ARID1B: variants seen among roughly 807,000 people sequenced by gnomAD.
ARID1B encodes the protein AT-rich interactive domain-containing protein 1B.
A neutral mutation model predicts 212.3 loss-of-function variants in ARID1B; 30 were observed. The ratio of observed to expected loss-of-function variants is 0.14; its 90% CI spans 0.11 to 0.19. ARID1B has a LOEUF of 0.19. Among genes scored for constraint, ARID1B ranks in the 10% least tolerant of loss-of-function variants. The pLI, the probability that ARID1B is intolerant of heterozygous loss-of-function variation, is 1.00. For synonymous variants in ARID1B, 1,402 were observed against 1,301.7 expected, an observed-to-expected ratio of 1.08 and a Z score of -1.66; for missense variants, 2,891 against 3,204.0, an observed-to-expected ratio of 0.90 and a Z score of 2.36.
intron 13 of ARID1B, chr6:157,184,782 A>G (rs951283563): frequency 3.1e-6 from 1 of 325,792 alleles, no homozygotes; most frequent in East Asian, 7.9e-5. Flanking sequence ...AAGATCCCCC[A>G]GTGGCCAGTT....
At chr6:157,013,959 T>C (rs1562549770) in intron 4 of ARID1B, among the ~76,000 whole-genome samples, 1 of 152,338 alleles carries the variant, frequency 6.6e-6, no homozygotes, top group East Asian at 1.9e-4. Flanking sequence ...AACCTTTGGG[T>C]ATCATGAAAT....
intron 4 of ARID1B, among the ~76,000 whole-genome samples, chr6:156,968,697 G>A (rs1776707945): frequency 6.6e-6 from 1 of 152,234 alleles, no homozygotes; most frequent in African/African-American, 2.4e-5. Context: ...TTGGATCTGG[G>A]TTTGAATTCT....
At chr6:156,781,349 A>C (rs923369039) in intron 1 of ARID1B, among the ~76,000 whole-genome samples, 1 of 151,998 alleles carries the variant, frequency 6.6e-6, no homozygotes, top group African/African-American at 2.4e-5. Context: ...TTACACGATG[A>C]ATTAGGGAAA....
intron 3 of ARID1B, among the ~76,000 whole-genome samples, chr6:156,906,654 C>T (rs954955600): frequency 1.4e-5 from 2 of 147,106 alleles, no homozygotes; most frequent in African/African-American, 2.5e-5. Context: ...CCTGTTGTTT[C>T]GGGCACTGTT....
chr6:156,825,076 G>T (rs949217959), intron 1 of ARID1B, among the ~76,000 whole-genome samples: 6 of 152,076 alleles, frequency 3.9e-5, no homozygotes, highest in African/African-American at 1.2e-4. Context: ...TGTTGCTCAG[G>T]CTGGTCTTGA....
At chr6:157,125,352 G>A (rs190011476) in intron 6 of ARID1B, among the ~76,000 whole-genome samples, 179 of 152,272 alleles carry the variant, frequency 1.2e-3, no homozygotes, top group African/African-American at 3.9e-3. Flanking sequence ...GGTGTGGGTG[G>A]TCATTTCTTG....
At chr6:156,932,958 T>C (rs1445478764) in intron 3 of ARID1B, among the ~76,000 whole-genome samples, 1 of 152,218 alleles carries the variant, frequency 6.6e-6, no homozygotes, top group Non-Finnish European at 1.5e-5. Context: ...TATTTGAGAT[T>C]TTGGTGGCAT....
At chr6:157,110,969 A>T in intron 6 of ARID1B, 1 of 179,728 alleles carries the variant, frequency 5.6e-6, no homozygotes. Context: ...CTGATATTTA[A>T]TAGTAAGATT....
chr6:157,195,830 G>A (rs1793676901), intron 15 of ARID1B: 1 of 286,760 alleles, frequency 3.5e-6, no homozygotes, highest in Non-Finnish European at 6.6e-6. Flanking sequence ...CAAGGCTGAG[G>A]TGGATGGATC....
chr6:156,897,290 T>TCTTCTTCTTC (rs1788555917), intron 2 of ARID1B, among the ~76,000 whole-genome samples: 1 of 148,650 alleles, frequency 6.7e-6, no homozygotes, highest in Non-Finnish European at 1.5e-5. Flanking sequence ...TTATTATTAT[T>TCTTCTTCTTC]TGAGACAGAG....
intron 6 of ARID1B, among the ~76,000 whole-genome samples, chr6:157,118,691 CATGG>C (rs1212095656): frequency 6.6e-6 from 1 of 152,242 alleles, no homozygotes; most frequent in Non-Finnish European, 1.5e-5. Context: ...TGAAGGCAGT[CATGG>C]CACAGGACTT....
Position 157,000,696 on chromosome 6 carries a change from C to CTTTTTTTTTTT in ARID1B, c.2247+65130_2247+65140dup, listed in dbSNP as rs10536002. On this transcript the variant is annotated intron_variant, in intron 4 of 19. Transcript: ENST00000636930. ...TTCTAAACACCCATTTCTAATTATT[C>CTTTTTTTTTTT]TTTTTTTTTTTTTTTTTTTTGAGAC... is the stretch of plus-strand genomic sequence containing the variant. Among the ~76,000 whole-genome samples the CTTTTTTTTTTT allele has an allele frequency of 2.3e-3, 229 of 99,180 alleles. 7 individuals are homozygous for CTTTTTTTTTTT. Among genetic ancestry groups the CTTTTTTTTTTT allele is most frequent in the African/African-American group, 3.0e-3 (76 of 25,024 alleles). The allele number at this position is 99,180 out of a possible 152,430, so 65.1% of individuals were successfully genotyped here.
At chr6:157,179,332 G>A (rs1056661312) in intron 11 of ARID1B, among the ~76,000 whole-genome samples, 1 of 152,136 alleles carries the variant, frequency 6.6e-6, no homozygotes, top group Non-Finnish European at 1.5e-5. Context: ...CCGGATGAGA[G>A]TCTTGTGTAA....
At chr6:157,011,742 A>G (rs12200665) in intron 4 of ARID1B, among the ~76,000 whole-genome samples, 47,244 of 152,142 alleles carry the variant, frequency 0.31, 7,501 homozygotes, top group Non-Finnish European at 0.32. Flanking sequence ...CATAAGCACC[A>G]TAAGACTTCC....
chr6:157,131,115 C>T (rs1473585696), intron 6 of ARID1B, among the ~76,000 whole-genome samples: 1 of 152,162 alleles, frequency 6.6e-6, no homozygotes, highest in Non-Finnish European at 1.5e-5. Flanking sequence ...GAATCATCTA[C>T]CCACCAAGCA....
chr6:156,821,766 C>T (rs1417713474), intron 1 of ARID1B, among the ~76,000 whole-genome samples: 1 of 152,138 alleles, frequency 6.6e-6, no homozygotes, highest in Non-Finnish European at 1.5e-5. Flanking sequence ...CCATGAACTC[C>T]TCTGACACTG....
At chr6:156,980,290 C>T (rs903299579) in intron 4 of ARID1B, among the ~76,000 whole-genome samples, 3 of 151,938 alleles carry the variant, frequency 2.0e-5, no homozygotes, top group Admixed American at 6.6e-5. Flanking sequence ...CGAGACCACC[C>T]CGGCCCACAC....
chr6:156,981,595 A>T (rs1777607899), intron 4 of ARID1B, among the ~76,000 whole-genome samples: 1 of 152,156 alleles, frequency 6.6e-6, no homozygotes, highest in East Asian at 1.9e-4. Flanking sequence ...TTCCTATTAG[A>T]TGAGGATTGT....
intron 5 of ARID1B, among the ~76,000 whole-genome samples, chr6:157,087,166 T>G (rs1048478361): frequency 6.6e-6 from 1 of 152,198 alleles, no homozygotes; most frequent in African/African-American, 2.4e-5. Context: ...TCCACCTTTT[T>G]TTTGGTGGCA....
Sources: gnomAD v4.1 joint callset for allele counts (sites outside exome capture counted in the v4.1 genomes callset) on GRCh38, gnomAD v4.1.1 for gene constraint, MANE v1.5 for transcripts, NCBI Gene and HGNC (gene_info 2026-07-23, HGNC 2026-07-21) for gene names.